Variants in ASH1L observed in about 807,000 individuals in gnomAD.
ASH1L encodes ASH1 like histone lysine methyltransferase.
Under a neutral mutation model 269.0 loss-of-function variants are expected in ASH1L, and 23 were observed. That is an observed-to-expected ratio of 0.09 (90% CI 0.06 to 0.12). ASH1L has a LOEUF of 0.12. ASH1L is among the 10% of genes least tolerant of loss of function. The probability of loss-of-function intolerance (pLI) is 1.00; values close to 1 mark genes in which losing one functional copy is unlikely to be tolerated. For synonymous variants in ASH1L, 1,187 were observed against 1,253.5 expected (o/e 0.95, Z 1.12); for missense variants, 2,912 against 3,567.8 (o/e 0.82, Z 4.68).
intron 1 of ASH1L, among the ~76,000 whole-genome samples, chr1:155,523,260 T>C (rs1409505608): frequency 6.6e-6 from 1 of 152,082 alleles, no homozygotes; most frequent in South Asian, 2.1e-4. Flanking sequence ...TTTCAGGGAC[T>C]GAGGTGGGTG....
At chr1:155,468,050 T>A (rs1000329984) in intron 3 of ASH1L, among the ~76,000 whole-genome samples, 3 of 152,026 alleles carry the variant, frequency 2.0e-5, no homozygotes, top group Admixed American at 6.6e-5. Context: ...TTTAGCCAAT[T>A]TTTTTCCACT....
At chr1:155,410,292 G>A (rs1198131339) in intron 6 of ASH1L, among the ~76,000 whole-genome samples, 7 of 151,848 alleles carry the variant, frequency 4.6e-5, no homozygotes, top group African/African-American at 1.7e-4. Context: ...ACACCTGCTG[G>A]ATTTTTATTT....
At chr1:155,432,044 G>A (rs1661652358) in intron 5 of ASH1L, among the ~76,000 whole-genome samples, 1 of 152,102 alleles carries the variant, frequency 6.6e-6, no homozygotes, top group Admixed American at 6.6e-5. Flanking sequence ...TTCTTCCTGT[G>A]CATTCTGGTT....
chr1:155,436,206 T>A (rs1037877343), intron 5 of ASH1L, among the ~76,000 whole-genome samples: 4 of 152,170 alleles, frequency 2.6e-5, no homozygotes, highest in African/African-American at 7.2e-5. Context: ...TTATTTATTT[T>A]GAGACAAAGT....
chr1:155,497,028 C>A (rs1242063090), intron 2 of ASH1L, among the ~76,000 whole-genome samples: 1 of 152,136 alleles, frequency 6.6e-6, no homozygotes, highest in Admixed American at 6.6e-5. Flanking sequence ...CTTTTAATTT[C>A]TGTTTTATTA....
intron 6 of ASH1L, among the ~76,000 whole-genome samples, chr1:155,412,911 T>A (rs1659920669): frequency 6.6e-6 from 1 of 151,864 alleles, no homozygotes; most frequent in South Asian, 2.1e-4. Context: ...TTTTTTAATT[T>A]TATTGAAAAA....
chr1:155,453,109 C>T (rs2148659394), intron 4 of ASH1L, among the ~76,000 whole-genome samples: 1 of 152,244 alleles, frequency 6.6e-6, no homozygotes, highest in Non-Finnish European at 1.5e-5. Flanking sequence ...AATCCCAGCA[C>T]TTTGGGGGGC....
intron 3 of ASH1L, among the ~76,000 whole-genome samples, chr1:155,463,119 C>G (rs763988061): frequency 6.6e-6 from 1 of 152,138 alleles, no homozygotes; most frequent in Admixed American, 6.5e-5. Flanking sequence ...TTTATAAACG[C>G]CAATTTGCAG....
At chr1:155,403,388 ACAAACAACTCTG>A (rs2148504807) in intron 6 of ASH1L, among the ~76,000 whole-genome samples, 1 of 152,340 alleles carries the variant, frequency 6.6e-6, no homozygotes, top group African/African-American at 2.4e-5. Flanking sequence ...AGGGAAAAGT[ACAAACAACTCTG>A]CAGCCAATTA....
At chr1:155,470,575 A>G (rs1448112958) in intron 3 of ASH1L, among the ~76,000 whole-genome samples, 1 of 144,058 alleles carries the variant, frequency 6.9e-6, no homozygotes, top group Non-Finnish European at 1.5e-5. Context: ...TTTCTGAGAC[A>G]GAGTCTCGCT....
Position 155,481,948 on chromosome 1 carries a change from G to C in ASH1L, c.922C>G (p.Leu308Val). ...AATACCGCTGTAGTGCCAGTTCCCA[G>C]TTTTTTCACAGAGTCCTTATTGACC... The part of the protein sequence containing the change: ...GLVNKDSVKK[L>V]GTGTTAVFIN... Residue 308 changes from leucine (L) to valine (V), a missense_variant, in exon 3 of 28, where the codon CTG becomes GTG. Physicochemically the swap from Leu to Val is conservative, Grantham distance 32. Coordinates refer to ENST00000392403, the MANE Select transcript of ASH1L (RefSeq NM_018489.3). The C allele has an allele frequency of 6.2e-7, 1 of 1,614,010 alleles. No homozygotes were observed. Among genetic ancestry groups the C allele is most frequent in the South Asian group, 1.1e-5 (1 of 91,074 alleles).
intron 5 of ASH1L, among the ~76,000 whole-genome samples, chr1:155,421,478 C>T (rs113294160): frequency 0.01 from 1,535 of 151,688 alleles, 38 homozygotes; most frequent in African/African-American, 0.036. Context: ...TGAGACCATC[C>T]TGGCTAACAC....
chr1:155,490,968 C>CAAAAAAAAAAA (rs767615285), intron 2 of ASH1L, among the ~76,000 whole-genome samples: 1 of 61,380 alleles, frequency 1.6e-5, no homozygotes, highest in African/African-American at 7.0e-5. Context: ...ACCCTGATTC[C>CAAAAAAAAAAA]AAAAAAAAAA....
At position 155,479,543 on chromosome 1, in the gene ASH1L, A is replaced by C; in HGVS notation, c.3327T>G (p.Ser1109=). ...SSEILPSPIC[S]QSSGTSGGQS... is the part of the protein sequence containing the mutation. ...GACCTCCACTAGTCCCAGAAGACTG[A>C]GAGCAAATAGGTGATGGAAGAATCT... Residue 1109 remains serine (S), a synonymous_variant, in exon 3 of 28, where the codon TCT becomes TCG. Coordinates refer to ENST00000392403, the MANE Select transcript of ASH1L (RefSeq NM_018489.3). 6.2e-7 allele frequency: 1 copy of C among 1,614,218 alleles called. No individual in the cohort carries two copies. The highest frequency in any genetic ancestry group is 1.6e-4 in the Middle Eastern group (1 of 6,062).
rs376223217 is a variant in ASH1L, at chr1:155,562,456, T to C, written c.-403A>G. 2.1e-5 allele frequency: 31 copies of C among 1,442,550 alleles called. No individual in the cohort carries two copies. The highest frequency in any genetic ancestry group is 2.8e-5 in the Non-Finnish European group (30 of 1,061,736). 89.4% of individuals were successfully genotyped at this position (1,442,550 alleles called of 1,614,324 possible). ...GGCGGCGGCGGCGGCAGCAGCAGAGTGGCGGCGGTGGCGGCGGCAGCTCCT... is the reference window on the plus strand; with the variant it reads ...GGCGGCGGCGGCGGCAGCAGCAGAGCGGCGGCGGTGGCGGCGGCAGCTCCT... On this transcript the variant is annotated 5_prime_UTR_variant, in exon 1 of 28. Transcript: ENST00000392403.
At chr1:155,537,392 G>T (rs555008828) in intron 1 of ASH1L, among the ~76,000 whole-genome samples, 6 of 152,206 alleles carry the variant, frequency 3.9e-5, no homozygotes, top group African/African-American at 1.2e-4. Flanking sequence ...TGCCAAAGTG[G>T]TTTCACTTAT....
At chr1:155,554,696 AAAAAAC>A (rs993609102) in intron 1 of ASH1L, among the ~76,000 whole-genome samples, 11 of 152,330 alleles carry the variant, frequency 7.2e-5, no homozygotes, top group African/African-American at 2.2e-4. Context: ...TCTGAGATTT[AAAAAAC>A]AAAAACAAAA....
At position 155,485,636 on chromosome 1, in the gene ASH1L, C is replaced by T. The variant is rs1045935513; in HGVS notation, c.421-3187G>A. On this transcript the variant is annotated intron_variant, in intron 2 of 27. Transcript: ENST00000392403. Reference sequence around the variant, plus strand: ...GAACCAAAATGTTAGAAGCAAAAAACGTACAACTATAAAATCAAAGAAGTA... The same window carrying T: ...GAACCAAAATGTTAGAAGCAAAAAATGTACAACTATAAAATCAAAGAAGTA... 1.2e-4 allele frequency among the ~76,000 whole-genome samples: 19 copies of T among 152,218 alleles called. 1 individual carries two copies. In the South Asian group the frequency reaches 2.1e-3, roughly 17 times the overall value.
chr1:155,510,368 C>T (rs747174954), intron 2 of ASH1L, among the ~76,000 whole-genome samples: 6 of 140,342 alleles, frequency 4.3e-5, no homozygotes, highest in East Asian at 2.1e-4. Context: ...GAGCCGAGAT[C>T]GCACCACTGC....
Sources: gnomAD v4.1 joint callset for allele counts (sites outside exome capture counted in the v4.1 genomes callset) on GRCh38, gnomAD v4.1.1 for gene constraint, MANE v1.5 for transcripts, NCBI Gene and HGNC (gene_info 2026-07-23, HGNC 2026-07-21) for gene names.